RC3H2: variants seen among roughly 807,000 people sequenced by gnomAD.
RC3H2 encodes the protein ring finger and CCCH-type domains 2.
In RC3H2, 31 loss-of-function variants were observed where a neutral mutation model predicts 133.3. The ratio of observed to expected loss-of-function variants is 0.23; its 90% CI spans 0.17 to 0.31. The LOEUF (loss-of-function observed/expected upper bound fraction) is 0.31, where lower values mean the gene tolerates loss of function less well. Ranked by LOEUF, RC3H2 falls within the 10% of genes least tolerant of loss-of-function variation. The pLI is 1.00. For missense variants in RC3H2, 1,175 were observed against 1,437.2 expected, an observed-to-expected ratio of 0.82 and a Z score of 2.95; for synonymous variants, 517 against 502.2, an observed-to-expected ratio of 1.03 and a Z score of -0.40.
chr9:122,846,535 G>C lies in RC3H2; in HGVS notation c.*3092C>G, dbSNP rs149016349. 5 of 152,222 alleles carry C rather than the reference G, an allele frequency of 3.3e-5. No individual in the cohort carries two copies. The highest frequency in any genetic ancestry group is 2.1e-4 in the South Asian group (1 of 4,828). The allele number at this position is 152,222 out of a possible 1,614,324, so 9.4% of individuals were successfully genotyped here. A position where few individuals can be genotyped will look rare whatever the true frequency, so the allele number is the denominator to read the frequency against. The stretch of plus-strand genomic sequence containing the variant: ...CAAAAAAACTGATGCTACAACCACA[G>C]TAACTGAATGCGGCACATGGATTTC... On this transcript the variant is annotated 3_prime_UTR_variant, in exon 21 of 21. Transcript: ENST00000357244.
intron 10 of RC3H2, among the ~76,000 whole-genome samples, chr9:122,860,444 G>A (rs1468994663): frequency 7.7e-6 from 1 of 129,636 alleles, no homozygotes; most frequent in Non-Finnish European, 1.6e-5. Context: ...GTGTCACTCT[G>A]TCACCCGGGC....
chr9:122,892,265 C>A (rs1384765652), intron 3 of RC3H2, among the ~76,000 whole-genome samples: 1 of 152,108 alleles, frequency 6.6e-6, no homozygotes, highest in African/African-American at 2.4e-5. Flanking sequence ...GCGTGTGTCA[C>A]CATGCCCAGC....
chr9:122,859,309 G>A (rs1830372384), intron 11 of RC3H2, among the ~76,000 whole-genome samples: 2 of 128,846 alleles, frequency 1.6e-5, no homozygotes, highest in African/African-American at 6.2e-5. Flanking sequence ...TGCCCAGGCT[G>A]GTCGCAAACT....
At chr9:122,851,913 C>T (rs1415534672) in intron 18 of RC3H2, among the ~76,000 whole-genome samples, 2 of 152,080 alleles carry the variant, frequency 1.3e-5, no homozygotes, top group South Asian at 2.1e-4. Context: ...TCTGCCCGGC[C>T]GCCACCCCGT....
chr9:122,904,857 G>C (rs970598531), intron 1 of RC3H2, among the ~76,000 whole-genome samples: 4 of 152,194 alleles, frequency 2.6e-5, no homozygotes, highest in Non-Finnish European at 5.9e-5. Flanking sequence ...AGAGGCGTCC[G>C]CTCGGCCAGT....
intron 10 of RC3H2, among the ~76,000 whole-genome samples, chr9:122,862,081 A>G (rs1195995313): frequency 6.6e-6 from 1 of 152,214 alleles, no homozygotes; most frequent in African/African-American, 2.4e-5. Context: ...TAAAATTTGG[A>G]TTAGTACTTT....
At chr9:122,884,004 T>C (rs1831774731) in intron 4 of RC3H2, among the ~76,000 whole-genome samples, 1 of 151,574 alleles carries the variant, frequency 6.6e-6, no homozygotes, top group Non-Finnish European at 1.5e-5. Context: ...AACAAATACA[T>C]AAAAATTAGG....
rs554746319 is a variant in RC3H2 at position 122,865,564 on chromosome 9, G to A, written c.1419C>T (p.Ala473=). Residue 473 remains alanine (A), a synonymous_variant, in exon 10 of 21, where the codon GCC becomes GCT. Transcript: ENST00000357244. The stretch of plus-strand genomic sequence containing the variant: ...TTCCTATGACAGAAATGACATTTCC[G>A]GCTGTGGTTGTGACAGTGTTGTTTA... The part of the protein sequence containing the change: ...VGVNNTVTTT[A]GNVISVIGST... The A allele has an allele frequency of 1.4e-5, 23 of 1,614,058 alleles. No homozygotes were observed. In the Middle Eastern group the frequency reaches 6.6e-4, roughly 46 times the overall value.
rs376175475 is a variant in RC3H2, at chr9:122,849,596, G to A, written c.*31C>T. On this transcript the variant is annotated 3_prime_UTR_variant, in exon 21 of 21. Transcript: ENST00000357244. ...AAGCTAGTGTAAATGCTTCCATGGT[G>A]TGGTCACAAATTTGAAAGATGAACC... 4.2e-6 allele frequency: 6 copies of A among 1,444,984 alleles called. No individual in the cohort carries two copies. The highest frequency in any genetic ancestry group is 1.4e-5 in the African/African-American group (1 of 70,882). 89.5% of individuals were successfully genotyped at this position (1,444,984 alleles called of 1,614,324 possible).
intron 3 of RC3H2, among the ~76,000 whole-genome samples, chr9:122,891,216 T>C (rs1832154879): frequency 6.6e-6 from 1 of 151,654 alleles, no homozygotes; most frequent in South Asian, 2.1e-4. Context: ...AGAGATGGGG[T>C]TTTACCATGT....
chr9:122,846,219 A>T lies in RC3H2; in HGVS notation c.*3408T>A, dbSNP rs145811014. On this transcript the variant is annotated 3_prime_UTR_variant, in exon 21 of 21. Transcript: ENST00000357244. ...AACCTCAAATTGAAATCTGAAAGTG[A>T]CTAGATCCATACAAATGGAAAATTT... 8 of 152,372 alleles carry T rather than the reference A, an allele frequency of 5.3e-5. No individual in the cohort carries two copies. The East Asian group carries it at 1.5e-3, about 29-fold the overall frequency. 9.4% of individuals were successfully genotyped at this position (152,372 alleles called of 1,614,324 possible).
Position 122,859,936 on chromosome 9 carries a change from G to T in RC3H2, c.1830C>A (p.Val610=). 1 of 1,613,104 alleles carries T rather than the reference G, an allele frequency of 6.2e-7. No individual in the cohort carries two copies. Among genetic ancestry groups the T allele is most frequent in the Non-Finnish European group, 8.5e-7 (1 of 1,179,128 alleles). Residue 610 remains valine, a synonymous_variant, in exon 11 of 21, where the codon GTC becomes GTA. Transcript: ENST00000357244. ...QDPRTQIPFE[V]PQYPQTGYYP... ...ACTCACCTGTCTGTGGGTACTGTGG[G>T]ACTTCAAAGGGTATCTGAGTCCTTG...
rs1832602861 is a variant in RC3H2, at chr9:122,900,214, GAATT to G, written c.-67-2642_-67-2639del. Among the ~76,000 whole-genome samples, 7 of 152,104 alleles carry G rather than the reference GAATT, an allele frequency of 4.6e-5. No homozygotes were observed. In the South Asian group the frequency reaches 1.5e-3, roughly 32 times the overall value. On this transcript the variant is annotated intron_variant, in intron 1 of 20. Transcript: ENST00000357244. ...AGAAGTTTAATTTCTACCACAAATTGAATTAATACCTTTAAGATATAAAGGTAAA... is the reference window on the plus strand; with the variant it reads ...AGAAGTTTAATTTCTACCACAAATTGAATACCTTTAAGATATAAAGGTAAA...
At chr9:122,871,734 C>T (rs931023395) in intron 9 of RC3H2, among the ~76,000 whole-genome samples, 1 of 152,002 alleles carries the variant, frequency 6.6e-6, no homozygotes, top group African/African-American at 2.4e-5. Flanking sequence ...CCTGTCATTA[C>T]AAGATATTAT....
intron 4 of RC3H2, among the ~76,000 whole-genome samples, chr9:122,887,652 T>C (rs1258330749): frequency 1.3e-5 from 2 of 152,136 alleles, no homozygotes; most frequent in African/African-American, 4.8e-5. Context: ...TGGCATTTTT[T>C]AGAAAAACAA....
At chr9:122,889,571 T>C (rs1267773979) in intron 4 of RC3H2, among the ~76,000 whole-genome samples, 1 of 152,184 alleles carries the variant, frequency 6.6e-6, no homozygotes, top group East Asian at 1.9e-4. Flanking sequence ...TACCTTGGTA[T>C]AGGTGAAGAT....
At chr9:122,852,169 A>C (rs1389636478) in intron 18 of RC3H2, among the ~76,000 whole-genome samples, 2 of 131,378 alleles carry the variant, frequency 1.5e-5, no homozygotes, top group East Asian at 5.0e-4. Flanking sequence ...GGATGTGAGG[A>C]ATGCCTCTGC....
chr9:122,846,611 TAAC>T lies in RC3H2; in HGVS notation c.*3013_*3015del, dbSNP rs1829873718. 1 of 151,868 alleles carries T rather than the reference TAAC, an allele frequency of 6.6e-6. No homozygotes were observed. Among genetic ancestry groups the T allele is most frequent in the African/African-American group, 2.4e-5 (1 of 41,360 alleles). The allele number at this position is 151,868 out of a possible 1,614,324, so 9.4% of individuals were successfully genotyped here. ...CAAAAACACAAAAAATGAAAGAAAA[TAAC>T]CACCACTTTCCTGCTTTCCAGACCT... On this transcript the variant is annotated 3_prime_UTR_variant, in exon 21 of 21. Coordinates refer to ENST00000357244, the MANE Select transcript of RC3H2 (RefSeq NM_001100588.3).
intron 18 of RC3H2, among the ~76,000 whole-genome samples, chr9:122,853,497 A>T (rs1295574833): frequency 6.6e-6 from 1 of 152,226 alleles, no homozygotes; most frequent in Admixed American, 6.5e-5. Context: ...CACACCTGTA[A>T]TCCTAGCACT....
Sources: gnomAD v4.1 joint callset for allele counts (sites outside exome capture counted in the v4.1 genomes callset) on GRCh38, gnomAD v4.1.1 for gene constraint, MANE v1.5 for transcripts, NCBI Gene and HGNC (gene_info 2026-07-23, HGNC 2026-07-21) for gene names.